Variants in GCFC2 observed in about 807,000 individuals in gnomAD.
The protein encoded by GCFC2 is GC-rich sequence DNA-binding factor 2.
In GCFC2, 102 loss-of-function variants were observed where a neutral mutation model predicts 99.4. The ratio of observed to expected loss-of-function variants is 1.03; its 90% confidence interval spans 0.87 to 1.21. The LOEUF (loss-of-function observed/expected upper bound fraction) is 1.21. GCFC2 is among the 50% of genes most tolerant of loss of function. GCFC2 has a pLI of 0.00. For synonymous variants in GCFC2, 338 were observed against 316.8 expected (o/e 1.07, Z -0.71); for missense variants, 973 against 920.9 (o/e 1.06, Z -0.73).
At chr2:75,683,526 A>G (rs951481591) in intron 11 of GCFC2, among the ~76,000 whole-genome samples, 2 of 152,194 alleles carry the variant, frequency 1.3e-5, no homozygotes, top group Non-Finnish European at 2.9e-5. Flanking sequence ...CTATGAAGAA[A>G]CTGCGTCAAC....
At chr2:75,686,614 C>T (rs369416795) in intron 11 of GCFC2, among the ~76,000 whole-genome samples, 18 of 152,158 alleles carry the variant, frequency 1.2e-4, no homozygotes, top group African/African-American at 3.6e-4. Flanking sequence ...TATGGTGGCA[C>T]GCGCCTGGAG....
chr2:75,698,862 A>G (rs1680449410), intron 4 of GCFC2, among the ~76,000 whole-genome samples: 2 of 152,030 alleles, frequency 1.3e-5, no homozygotes, highest in Admixed American at 1.3e-4. Context: ...AATACAAAAA[A>G]TCAGTCAGGC....
intron 1 of GCFC2, among the ~76,000 whole-genome samples, chr2:75,708,638 G>C (rs1266605337): frequency 6.6e-6 from 1 of 150,644 alleles, no homozygotes; most frequent in African/African-American, 2.4e-5. Flanking sequence ...AGCCTCCTGA[G>C]TAGCTGGGAT....
At position 75,710,884 on chromosome 2, in the gene GCFC2, G is replaced by A; in HGVS notation, c.-29C>T. The A allele has an allele frequency of 2.7e-6, 4 of 1,496,314 alleles. No homozygotes were observed. The highest frequency in any genetic ancestry group is 2.7e-5 in the East Asian group (1 of 36,876). 92.7% of individuals were successfully genotyped at this position (1,496,314 alleles called of 1,614,324 possible). A position where few individuals can be genotyped will look rare whatever the true frequency, so the allele number is the denominator to read the frequency against. On this transcript the variant is annotated 5_prime_UTR_variant, in exon 1 of 17. Transcript: ENST00000321027. ...CGAGGCCCGAGCGCCCGGCGCCCTA[G>A]AACCCGCTGAACCGCAAGCCGCAGC...
intron 7 of GCFC2, 94 bp from the exon 8 acceptor site, chr2:75,690,813 CAT>C: frequency 1.5e-6 from 1 of 667,322 alleles, no homozygotes; most frequent in Non-Finnish European, 2.6e-6. Flanking sequence ...GATGTATAAA[CAT>C]ATGCATATGT....
At position 75,710,915 on chromosome 2, in the gene GCFC2, T is replaced by A. The variant is rs1681151781; in HGVS notation, c.-60A>T. 1.4e-5 allele frequency: 20 copies of A among 1,431,642 alleles called. No homozygotes were observed. Among genetic ancestry groups the A allele is most frequent in the Middle Eastern group, 2.6e-4 (1 of 3,914 alleles). 88.7% of individuals were successfully genotyped at this position (1,431,642 alleles called of 1,614,324 possible). On this transcript the variant is annotated 5_prime_UTR_variant, in exon 1 of 17. Coordinates refer to ENST00000321027, the MANE Select transcript of GCFC2 (RefSeq NM_003203.5). Reference sequence around the variant, plus strand: ...GCTGAACCGCAAGCCGCAGCTTCAGTGCCCGCCCCCTAGGGCGCGCTCCCG... The same window carrying A: ...GCTGAACCGCAAGCCGCAGCTTCAGAGCCCGCCCCCTAGGGCGCGCTCCCG...
intron 8 of GCFC2, 92 bp downstream of exon 8, chr2:75,690,546 T>C (rs887279124): frequency 1.6e-5 from 12 of 743,036 alleles, no homozygotes; most frequent in Non-Finnish European, 2.8e-5. Context: ...ATATCAGGTA[T>C]AGTTAATGAC....
In GCFC2 at chr2:75,670,276, G is replaced by C. The variant is rs570008138; in HGVS notation, c.1965C>G (p.Arg655=). 15 of 1,598,210 alleles carry C rather than the reference G, an allele frequency of 9.4e-6. No homozygotes were observed. In the African/African-American group the frequency reaches 1.7e-4, roughly 19 times the overall value. ...RQFWSGLKLF[R]NILLWNGLLT... is the part of the protein sequence containing the mutation. ...GGAGTCCATTCCAAAGAAGAATATT[G>C]CGGAAGAGCTAAAATAAAATATCAA... The change falls in exon 15 of 17, where the codon CGC becomes CGG. Residue 655 remains arginine (R), a synonymous_variant. Coordinates refer to ENST00000321027, the MANE Select transcript of GCFC2 (RefSeq NM_003203.5).
intron 12 of GCFC2, among the ~76,000 whole-genome samples, chr2:75,674,229 T>C (rs1679246312): frequency 6.6e-6 from 1 of 152,238 alleles, no homozygotes; most frequent in Non-Finnish European, 1.5e-5. Flanking sequence ...ATTACTGATT[T>C]GTACAAGTCT....
chr2:75,693,234 T>C (rs1407574846), intron 6 of GCFC2, among the ~76,000 whole-genome samples: 6 of 151,848 alleles, frequency 4.0e-5, no homozygotes, highest in Non-Finnish European at 5.9e-5. Flanking sequence ...AGCTCGGGAG[T>C]TCCAGACCAG....
At chr2:75,666,126 G>A (rs1678826307) in intron 15 of GCFC2, 73 bp from the exon 16 acceptor site, 1 of 1,118,348 alleles carries the variant, frequency 8.9e-7, no homozygotes, top group Non-Finnish European at 1.3e-6. Flanking sequence ...ATCTCATAGT[G>A]ATACTGTAAG....
At chr2:75,670,590 C>G (rs140391664) in intron 14 of GCFC2, 3 of 228,200 alleles carry the variant, frequency 1.3e-5, no homozygotes, top group East Asian at 1.8e-4. Context: ...CGGGGGCCAT[C>G]AAGTATAAGA....
chr2:75,711,069 A>C, upstream of GCFC2: 1 of 1,309,030 alleles, frequency 7.6e-7, no homozygotes, highest in Non-Finnish European at 9.7e-7. Context: ...CTGAGTTTGC[A>C]AAGCATTCCC....
intron 14 of GCFC2, 48 bp from the exon 15 acceptor site, chr2:75,670,332 C>T (rs1679041558): frequency 7.9e-7 from 1 of 1,273,632 alleles, no homozygotes; most frequent in Non-Finnish European, 1.1e-6. Context: ...CAAAGAGAAA[C>T]TGTAATAGTC....
chr2:75,695,148 G>T (rs1680251030), intron 5 of GCFC2, among the ~76,000 whole-genome samples: 1 of 151,988 alleles, frequency 6.6e-6, no homozygotes, highest in South Asian at 2.1e-4. Context: ...TATTCTAGGG[G>T]GCTGGCAAAC....
At chr2:75,698,842 T>C (rs1359005514) in intron 4 of GCFC2, among the ~76,000 whole-genome samples, 2 of 151,826 alleles carry the variant, frequency 1.3e-5, no homozygotes, top group African/African-American at 4.8e-5. Flanking sequence ...TGAAACCCCA[T>C]CTCTACTAAA....
intron 12 of GCFC2, among the ~76,000 whole-genome samples, chr2:75,679,426 A>G (rs1679475598): frequency 6.6e-6 from 1 of 152,214 alleles, no homozygotes; most frequent in Non-Finnish European, 1.5e-5. Context: ...CAATCTCATC[A>G]ACAAACAATA....
intron 4 of GCFC2, chr2:75,698,085 T>C (rs1035132715): frequency 2.0e-5 from 3 of 152,194 alleles, no homozygotes; most frequent in Non-Finnish European, 4.4e-5. Context: ...AATCAGTAAA[T>C]GTACTCACAT....
chr2:75,711,190 A>G (rs1426596469), upstream of GCFC2: 4 of 985,222 alleles, frequency 4.1e-6, no homozygotes, highest in Admixed American at 6.2e-5. Flanking sequence ...AACCCCATCC[A>G]GAAATCAAGC....
Sources: gnomAD v4.1 joint callset for allele counts (sites outside exome capture counted in the v4.1 genomes callset) on GRCh38, gnomAD v4.1.1 for gene constraint, MANE v1.5 for transcripts, NCBI Gene and HGNC (gene_info 2026-07-23, HGNC 2026-07-21) for gene names.